Variants in CSMD1 observed in about 807,000 individuals in gnomAD.
CSMD1 encodes the protein CUB and Sushi multiple domains 1, also known as CUB and sushi domain-containing protein 1.
Under a neutral mutation model 417.5 loss-of-function variants are expected in CSMD1, and 213 were observed. That is an observed-to-expected ratio of 0.51 (90% CI 0.46 to 0.57). The LOEUF is 0.57. CSMD1 is among the 20% of genes least tolerant of loss of function. The pLI is 0.00. For missense variants in CSMD1, 6,923 were observed against 4,529.7 expected, an observed-to-expected ratio of 1.53 and a Z score of -15.17; for synonymous variants, 2,862 against 1,736.8, an observed-to-expected ratio of 1.65 and a Z score of -16.11.
intron 1 of CSMD1, among the ~76,000 whole-genome samples, chr8:4,757,100 G>A (rs528926691): frequency 2.6e-5 from 4 of 152,282 alleles, no homozygotes; most frequent in African/African-American, 9.6e-5. Context: ...GTAGGACAAA[G>A]AACAAACACA....
At chr8:4,061,092 G>T (rs530053830) in intron 3 of CSMD1, among the ~76,000 whole-genome samples, 10 of 152,178 alleles carry the variant, frequency 6.6e-5, no homozygotes, top group East Asian at 1.9e-4. Flanking sequence ...TATTATTTTT[G>T]TTGATATCTT....
intron 12 of CSMD1, among the ~76,000 whole-genome samples, chr8:3,441,675 T>C (rs193139830): frequency 6.6e-6 from 1 of 152,084 alleles, no homozygotes; most frequent in Middle Eastern, 3.2e-3. Flanking sequence ...GTGTTCCTGG[T>C]GATGCTGGTG....
intron 25 of CSMD1, among the ~76,000 whole-genome samples, chr8:3,291,167 G>T (rs1219284987): frequency 2.6e-5 from 4 of 152,112 alleles, no homozygotes; most frequent in Admixed American, 6.6e-5. Context: ...GCATCCCAGG[G>T]ATGAAACCCA....
In CSMD1 at chr8:3,110,347, A is replaced by G; in HGVS notation, c.6431-12T>C. 1.9e-6 allele frequency: 3 copies of G among 1,586,206 alleles called. No individual in the cohort carries two copies. The highest frequency in any genetic ancestry group is 1.2e-5 in the South Asian group (1 of 86,390). ...GTACCCACAAGGGGCTGCAAAGGAA[A>G]CCAAGAAAAAACAAGCGCCATACAG... On this transcript the variant is annotated splice_polypyrimidine_tract_variant and intron_variant, in intron 42 of 69. Transcript: ENST00000635120.
chr8:4,286,236 T>C (rs528854083), intron 3 of CSMD1, among the ~76,000 whole-genome samples: 54 of 152,278 alleles, frequency 3.5e-4, no homozygotes, highest in African/African-American at 1.0e-3. Context: ...CCAAGCTCCA[T>C]TGCGTCTCTC....
chr8:3,558,925 A>G (rs1318939262), intron 10 of CSMD1, among the ~76,000 whole-genome samples: 1 of 152,184 alleles, frequency 6.6e-6, no homozygotes, highest in Non-Finnish European at 1.5e-5. Flanking sequence ...GGGCAGCACC[A>G]CGATTCGAGG....
At position 4,787,607 on chromosome 8, in the gene CSMD1, G is replaced by C. The variant is rs1797475899; in HGVS notation, c.86-150049C>G. 14 of 1,549,772 alleles carry C rather than the reference G, an allele frequency of 9.0e-6. No individual in the cohort carries two copies. The South Asian group carries it at 1.1e-4, about 12-fold the overall frequency. On this transcript the variant is annotated intron_variant, in intron 1 of 69. Transcript: ENST00000635120. ...GTGCGAAATGATTCCAATTGAATGG[G>C]TTTGCAGAAGAATAGCAACTGGTTC...
At chr8:4,766,993 G>C (rs1812509044) in intron 1 of CSMD1, among the ~76,000 whole-genome samples, 1 of 152,150 alleles carries the variant, frequency 6.6e-6, no homozygotes, top group Non-Finnish European at 1.5e-5. Context: ...ATATTTCTTA[G>C]CTCTTGTCTT....
At chr8:4,611,283 T>C (rs1448784598) in intron 2 of CSMD1, among the ~76,000 whole-genome samples, 2 of 152,196 alleles carry the variant, frequency 1.3e-5, no homozygotes, top group African/African-American at 4.8e-5. Context: ...TGAAAACCTT[T>C]TCATACCAAT....
rs74929334 is a variant in CSMD1, at chr8:4,381,043, A to G, written c.415+38910T>C. ...GGGCAAATGGGAAATGGGTTAAGGA[A>G]TATGTGAGTATTGTGGGTTATATTA... On this transcript the variant is annotated intron_variant, in intron 3 of 69. Transcript: ENST00000635120. Among the ~76,000 whole-genome samples the G allele has an allele frequency of 5.3e-3, 805 of 152,278 alleles. 4 individuals are homozygous for G. Among genetic ancestry groups the G allele is most frequent in the Admixed American group, 0.014 (208 of 15,296 alleles).
At chr8:4,246,591 G>C (rs971415941) in intron 3 of CSMD1, among the ~76,000 whole-genome samples, 4 of 152,278 alleles carry the variant, frequency 2.6e-5, no homozygotes, top group East Asian at 1.9e-4. Context: ...TTCTCCTGTA[G>C]AATTTGATAT....
intron 1 of CSMD1, among the ~76,000 whole-genome samples, chr8:4,933,969 C>T (rs189483294): frequency 6.6e-6 from 1 of 151,916 alleles, no homozygotes; most frequent in Non-Finnish European, 1.5e-5. Flanking sequence ...CACACAGTCA[C>T]TCTCACTCAA....
Position 4,953,874 on chromosome 8 carries a change from C to T in CSMD1, c.85+40458G>A, listed in dbSNP as rs200357104. Reference sequence around the variant, plus strand: ...CAAATGCAGGTTGCAGGACTCAACCCTGGGCTTAGAGATTGGACTACCCAG... The same window carrying T: ...CAAATGCAGGTTGCAGGACTCAACCTTGGGCTTAGAGATTGGACTACCCAG... On this transcript the variant is annotated intron_variant, in intron 1 of 69. Transcript: ENST00000635120. Among the ~76,000 whole-genome samples the T allele has an allele frequency of 3.9e-5, 6 of 152,168 alleles. No individual in the cohort carries two copies. In the East Asian group the frequency reaches 1.2e-3, roughly 29 times the overall value.
At chr8:3,573,581 A>G (rs1800028644) in intron 10 of CSMD1, among the ~76,000 whole-genome samples, 4 of 152,210 alleles carry the variant, frequency 2.6e-5, no homozygotes, top group African/African-American at 9.7e-5. Flanking sequence ...CTGAGATTTT[A>G]GAACTAAAAT....
At chr8:4,097,807 G>T (rs1801099449) in intron 3 of CSMD1, among the ~76,000 whole-genome samples, 2 of 152,152 alleles carry the variant, frequency 1.3e-5, no homozygotes, top group African/African-American at 4.8e-5. Context: ...AAATGCTGTG[G>T]GTGGGTTATG....
chr8:4,511,050 G>T (rs765945056), intron 2 of CSMD1, among the ~76,000 whole-genome samples: 1 of 151,964 alleles, frequency 6.6e-6, no homozygotes. Flanking sequence ...CCTCTCTTGA[G>T]CTTTCTTTCT....
At chr8:4,461,175 G>A (rs903401972) in intron 2 of CSMD1, among the ~76,000 whole-genome samples, 14 of 120,684 alleles carry the variant, frequency 1.2e-4, no homozygotes, top group Non-Finnish European at 2.2e-4. Context: ...GATAAAAAGT[G>A]ACAAAATTCA....
intron 1 of CSMD1, among the ~76,000 whole-genome samples, chr8:4,834,986 AAAG>A: frequency 3.8e-5 from 1 of 26,420 alleles, no homozygotes; most frequent in South Asian, 2.4e-3. Flanking sequence ...AAAAAGAAAG[AAAG>A]AAAGAAAGAA....
intron 5 of CSMD1, among the ~76,000 whole-genome samples, chr8:3,979,255 T>A (rs148638182): frequency 6.6e-6 from 1 of 152,178 alleles, no homozygotes; most frequent in African/African-American, 2.4e-5. Flanking sequence ...GGCATCTTTT[T>A]GTTTTGGGAG....
Sources: allele counts gnomAD v4.1 joint callset (sites outside exome capture counted in the v4.1 genomes callset), GRCh38; gene constraint gnomAD v4.1.1; transcripts MANE v1.5; gene names NCBI Gene and HGNC (gene_info 2026-07-23, HGNC 2026-07-21).